UFSP2: variants seen among roughly 807,000 people sequenced by gnomAD.
UFSP2 encodes the protein ufm1-specific protease 2.
A neutral mutation model predicts 60.2 loss-of-function variants in UFSP2; 43 were observed. That is an observed-to-expected ratio of 0.71 (90% CI 0.56 to 0.92). The LOEUF is 0.92. UFSP2 is among the 40% of genes least tolerant of loss of function. UFSP2 has a pLI of 0.00. For synonymous variants in UFSP2, 183 were observed against 195.1 expected, an observed-to-expected ratio of 0.94 and a Z score of 0.52; for missense variants, 520 against 575.0, an observed-to-expected ratio of 0.90 and a Z score of 0.98.
At chr4:185,408,205 T>C in intron 8 of UFSP2, 66 bp downstream of exon 8, 1 of 1,567,706 alleles carries the variant, frequency 6.4e-7, no homozygotes, top group East Asian at 2.2e-5. Flanking sequence ...ACAAAAATTA[T>C]CAATGGTATA....
chr4:185,401,113 G>A (rs1478889146), intron 11 of UFSP2, among the ~76,000 whole-genome samples: 1 of 152,194 alleles, frequency 6.6e-6, no homozygotes, highest in Non-Finnish European at 1.5e-5. Context: ...CCAATAACTG[G>A]TCTGTATTAT....
chr4:185,421,646 C>G, intron 2 of UFSP2, among the ~76,000 whole-genome samples: 1 of 152,166 alleles, frequency 6.6e-6, no homozygotes. Flanking sequence ...GTACAGTCTG[C>G]AGAACTGTGA....
intron 7 of UFSP2, among the ~76,000 whole-genome samples, chr4:185,412,000 A>G (rs563513455): frequency 6.6e-6 from 1 of 152,348 alleles, no homozygotes; most frequent in South Asian, 2.1e-4. Context: ...CACAAAACCC[A>G]TAATAGTTCC....
Position 185,399,932 on chromosome 4 carries a change from CA to C in UFSP2, c.*459del. ...GTTATACTTACCAGAGTCTAGAGAC[CA>C]AAAATGGGACTGCATGGTGGAAGTT... is the stretch of plus-strand genomic sequence containing the variant. On this transcript the variant is annotated 3_prime_UTR_variant, in exon 12 of 12. Transcript: ENST00000264689. The C allele has an allele frequency of 6.4e-7, 1 of 1,555,028 alleles. No homozygotes were observed. Among genetic ancestry groups the C allele is most frequent in the South Asian group, 1.2e-5 (1 of 81,828 alleles).
Position 185,400,351 on chromosome 4 carries a change from T to G in UFSP2, c.*41A>C. On this transcript the variant is annotated 3_prime_UTR_variant, in exon 12 of 12. Coordinates refer to ENST00000264689, the MANE Select transcript of UFSP2 (RefSeq NM_018359.5). The stretch of plus-strand genomic sequence containing the variant: ...TTAAACTGATTCTTTATTCACAAAT[T>G]TATAATACCACTCTACTGCAGTCTT... 2 of 1,443,616 alleles carry G rather than the reference T, an allele frequency of 1.4e-6. No homozygotes were observed. Among genetic ancestry groups the G allele is most frequent in the Admixed American group, 2.0e-5 (1 of 51,194 alleles). The allele number at this position is 1,443,616 out of a possible 1,614,324, so 89.4% of individuals were successfully genotyped here.
intron 4 of UFSP2, 112 bp downstream of exon 4, chr4:185,418,329 A>T (rs1472741050): frequency 3.9e-6 from 3 of 766,070 alleles, no homozygotes; most frequent in Non-Finnish European, 6.0e-6. Context: ...CTTTTTGGAC[A>T]TCAATATTCT....
intron 11 of UFSP2, among the ~76,000 whole-genome samples, chr4:185,401,633 T>G (rs180740209): frequency 6.2e-4 from 94 of 152,310 alleles, no homozygotes; most frequent in African/African-American, 1.9e-3. Flanking sequence ...TCCTCTGGCC[T>G]CCTGGGTTCC....
In UFSP2 at chr4:185,415,318, T is replaced by G. The variant is rs532559381; in HGVS notation, c.521A>C (p.His174Pro). 1 of 1,595,330 alleles carries G rather than the reference T, an allele frequency of 6.3e-7. No homozygotes were observed. The highest frequency in any genetic ancestry group is 1.9e-5 in the Admixed American group (1 of 52,790). The change falls in exon 6 of 12, where the codon CAT becomes CCT. Residue 174 changes from histidine to proline, a missense_variant. His to Pro is a moderately conservative substitution (Grantham distance 77, BLOSUM62 -2). Transcript: ENST00000264689. ...TTTTTCCATGTCAGTTAGTTGATTA[T>G]GAATTGCATCAACCAGGAGTTTACG... ...KVRKLLVDAIHNQLTDMEKCI... is the reference protein window; with the variant it reads ...KVRKLLVDAIPNQLTDMEKCI...
chr4:185,407,803 A>C, intron 9 of UFSP2, 133 bp downstream of exon 9: 1 of 964,154 alleles, frequency 1.0e-6, no homozygotes, highest in Non-Finnish European at 1.4e-6. Context: ...AGATTTATAA[A>C]GCAATGAGTA....
At chr4:185,420,317 T>A (rs1026623219) in intron 2 of UFSP2, among the ~76,000 whole-genome samples, 1 of 152,198 alleles carries the variant, frequency 6.6e-6, no homozygotes, top group Non-Finnish European at 1.5e-5. Flanking sequence ...TTTAATATTT[T>A]TGAATATTTG....
chr4:185,408,096 A>G, intron 8 of UFSP2, 36 bp from the exon 9 acceptor site: 1 of 1,603,410 alleles, frequency 6.2e-7, no homozygotes, highest in South Asian at 1.1e-5. Flanking sequence ...ATCCATACAC[A>G]AGACAGCTAT....
chr4:185,411,466 T>G (rs1393181670), intron 7 of UFSP2, among the ~76,000 whole-genome samples: 1 of 152,150 alleles, frequency 6.6e-6, no homozygotes, highest in Non-Finnish European at 1.5e-5. Context: ...AGAAGAAAAT[T>G]ATAAGCCAGT....
At chr4:185,407,218 T>G (rs1285759842) in intron 9 of UFSP2, among the ~76,000 whole-genome samples, 2 of 151,326 alleles carry the variant, frequency 1.3e-5, no homozygotes, top group African/African-American at 4.9e-5. Flanking sequence ...ACCCAGCTAA[T>G]TTTTTTTGTA....
intron 1 of UFSP2, among the ~76,000 whole-genome samples, chr4:185,425,388 T>C (rs1379387152): frequency 6.6e-6 from 1 of 151,858 alleles, no homozygotes; most frequent in East Asian, 1.9e-4. Flanking sequence ...AGGTCTAACT[T>C]AGAGATAAAA....
chr4:185,407,318 T>C lies in UFSP2; in HGVS notation c.1121+618A>G, dbSNP rs187345742. On this transcript the variant is annotated intron_variant, in intron 9 of 11. Coordinates refer to ENST00000264689, the MANE Select transcript of UFSP2 (RefSeq NM_018359.5). ...ATCCACCCACCTCGGCCTCCCAAAG[T>C]GCTACGATTACAGGCGTGAGCCACT... Among the ~76,000 whole-genome samples, 640 of 152,236 alleles carry C rather than the reference T, an allele frequency of 4.2e-3. 4 individuals carry two copies. The highest frequency in any genetic ancestry group is 0.014 in the African/African-American group (587 of 41,544).
chr4:185,408,276 G>C lies in UFSP2; in HGVS notation c.991C>G (p.Gln331Glu), dbSNP rs200743803. The part of the protein sequence containing the change: ...ERSIPTHREI[Q>E]QALVDAGDKP... The stretch of plus-strand genomic sequence containing the variant: ...TAAAACGGTATGTTCTGTACCTGCT[G>C]AATTTCTCTGTGTGTTGGAATGGAC... Residue 331 changes from glutamine to glutamate, a missense_variant, in exon 8 of 12, where the codon CAG becomes GAG. By Grantham distance (29) the Gln-to-Glu change is conservative. Transcript: ENST00000264689. The C allele has an allele frequency of 8.1e-5, 131 of 1,613,810 alleles. No homozygotes were observed. The highest frequency in any genetic ancestry group is 1.1e-4 in the Non-Finnish European group (124 of 1,179,850).
chr4:185,402,380 C>G, intron 11 of UFSP2: 1 of 447,716 alleles, frequency 2.2e-6, no homozygotes, highest in East Asian at 7.0e-5. Flanking sequence ...ACACTTAAAA[C>G]TGTAACAACA....
At position 185,403,610 on chromosome 4, in the gene UFSP2, C is replaced by A. The variant is rs774401197; in HGVS notation, c.1207G>T (p.Val403Phe). Residue 403 changes from valine (V) to phenylalanine (F), a missense_variant, in exon 11 of 12, where the codon GTT becomes TTT. Physicochemically the swap from Val to Phe is conservative, Grantham distance 50. Coordinates refer to ENST00000264689, the MANE Select transcript of UFSP2 (RefSeq NM_018359.5). ...EGTPVMIGGGVLAHTILGVAW... is the reference protein window; with the variant it reads ...EGTPVMIGGGFLAHTILGVAW... ...ACTCCTAGTATTGTGTGGGCCAAAACTCCTCCCCCTATAGAAGAAAAAATA... is the reference window on the plus strand; with the variant it reads ...ACTCCTAGTATTGTGTGGGCCAAAAATCCTCCCCCTATAGAAGAAAAAATA... 3.7e-5 allele frequency: 59 copies of A among 1,610,434 alleles called. No individual in the cohort carries two copies. Among genetic ancestry groups the A allele is most frequent in the Non-Finnish European group, 5.0e-5 (59 of 1,179,086 alleles).
chr4:185,415,302 G>A lies in UFSP2; in HGVS notation c.537C>T (p.Asp179=). 6.2e-7 allele frequency: 1 copy of A among 1,601,478 alleles called. No homozygotes were observed. Among genetic ancestry groups the A allele is most frequent in the Non-Finnish European group, 8.5e-7 (1 of 1,177,266 alleles). The part of the protein sequence containing the change: ...LVDAIHNQLT[D]MEKCILKYMK... ...TATATTTCAAAATACATTTTTCCAT[G>A]TCAGTTAGTTGATTATGAATTGCAT... Residue 179 remains aspartate (D), a synonymous_variant, in exon 6 of 12, where the codon GAC becomes GAT. Transcript: ENST00000264689.
Sources: allele counts gnomAD v4.1 joint callset (sites outside exome capture counted in the v4.1 genomes callset), GRCh38; gene constraint gnomAD v4.1.1; transcripts MANE v1.5; gene names NCBI Gene and HGNC (gene_info 2026-07-23, HGNC 2026-07-21).